The following RABGAP1L variants were observed in gnomAD, a reference collection of about 807,000 sequenced individuals.
RABGAP1L encodes the protein rab GTPase-activating protein 1-like.
RABGAP1L carries 63 observed loss-of-function variants against 137.7 expected under a neutral mutation model. That is an observed-to-expected ratio of 0.46 (90% CI 0.37 to 0.56). The LOEUF (loss-of-function observed/expected upper bound fraction) is 0.56. RABGAP1L is among the 20% of genes least tolerant of loss of function. The pLI is 0.00. For synonymous variants in RABGAP1L, 431 were observed against 433.7 expected, an observed-to-expected ratio of 0.99 and a Z score of 0.08; for missense variants, 1,095 against 1,244.0, an observed-to-expected ratio of 0.88 and a Z score of 1.80.
chr1:174,646,623 A>G (rs1674989535), intron 14 of RABGAP1L, among the ~76,000 whole-genome samples: 1 of 152,150 alleles, frequency 6.6e-6, no homozygotes, highest in South Asian at 2.1e-4. Flanking sequence ...GCCTTGTATT[A>G]TAGTTTGAAA....
intron 19 of RABGAP1L, among the ~76,000 whole-genome samples, chr1:174,857,004 G>T (rs746655652): frequency 1.3e-5 from 2 of 151,754 alleles, no homozygotes; most frequent in African/African-American, 4.8e-5. Flanking sequence ...AAATTTACAA[G>T]TGTAAAATAT....
Position 174,448,528 on chromosome 1 carries a change from T to C in RABGAP1L, c.1710+54383T>C, listed in dbSNP as rs1255990093. 1 of 1,612,292 alleles carries C rather than the reference T, an allele frequency of 6.2e-7. No homozygotes were observed. Among genetic ancestry groups the C allele is most frequent in the African/African-American group, 1.3e-5 (1 of 74,628 alleles). ...GTCTTGCTTGCATCAGTGTGGATCG[T>C]TATCTTGCAATAACCAAGCCTCTTT... is the stretch of plus-strand genomic sequence containing the variant. On this transcript the variant is annotated intron_variant, in intron 13 of 25. Transcript: ENST00000681986. This position sits in a 1 kb window ranked among gnomAD's most constrained non-coding sequence, Gnocchi z 4.2.
chr1:174,937,637 T>TATATATATATATATA (rs1302676014), intron 19 of RABGAP1L, among the ~76,000 whole-genome samples: 4 of 138,514 alleles, frequency 2.9e-5, no homozygotes, highest in Non-Finnish European at 4.6e-5. Context: ...TATATATATC[T>TATATATATATATATA]TGCAGTTAGA....
chr1:174,370,384 CTAT>C (rs757744517), intron 11 of RABGAP1L, among the ~76,000 whole-genome samples: 135 of 145,726 alleles, frequency 9.3e-4, no homozygotes, highest in Non-Finnish European at 9.4e-4. Flanking sequence ...GTTTCTTAAA[CTAT>C]TATTTTACAT....
intron 14 of RABGAP1L, among the ~76,000 whole-genome samples, chr1:174,670,740 G>T (rs1677116945): frequency 6.6e-6 from 1 of 152,046 alleles, no homozygotes; most frequent in Non-Finnish European, 1.5e-5. Flanking sequence ...ATTTTTTAAG[G>T]CTGAATAGTA....
intron 13 of RABGAP1L, among the ~76,000 whole-genome samples, chr1:174,624,166 G>A (rs72715265): frequency 6.6e-6 from 1 of 152,246 alleles, no homozygotes; most frequent in Non-Finnish European, 1.5e-5. Context: ...TTCCTGCTTT[G>A]GAGGGTTTGT....
At chr1:174,573,626 T>A (rs1668155358) in intron 13 of RABGAP1L, among the ~76,000 whole-genome samples, 1 of 152,170 alleles carries the variant, frequency 6.6e-6, no homozygotes, top group African/African-American at 2.4e-5. Context: ...TGGTATATTT[T>A]TGCCTTATAG....
At chr1:174,819,244 G>GA (rs201467566) in intron 19 of RABGAP1L, among the ~76,000 whole-genome samples, 2,104 of 147,124 alleles carry the variant, frequency 0.014, 155 homozygotes, top group Admixed American at 0.12. Context: ...GAGTAAGTAT[G>GA]GGAGAGAGAG....
chr1:174,415,046 G>A (rs934684585), intron 13 of RABGAP1L, among the ~76,000 whole-genome samples: 2 of 151,706 alleles, frequency 1.3e-5, no homozygotes, highest in African/African-American at 4.8e-5. Context: ...ACCATATTGG[G>A]GATATTATTG....
chr1:174,363,208 T>C (rs1340124760), intron 11 of RABGAP1L, among the ~76,000 whole-genome samples: 2 of 152,158 alleles, frequency 1.3e-5, no homozygotes, highest in South Asian at 4.1e-4. Flanking sequence ...TTTGAAGTAA[T>C]GTAGCATGAT....
At position 174,617,154 on chromosome 1, in the gene RABGAP1L, T is replaced by C. The variant is rs190024554; in HGVS notation, c.1711-20221T>C. 4.3e-4 allele frequency among the ~76,000 whole-genome samples: 66 copies of C among 152,312 alleles called. 1 individual carries two copies. The East Asian group carries it at 0.013, about 29-fold the overall frequency. On this transcript the variant is annotated intron_variant, in intron 13 of 25. Transcript: ENST00000681986. ...GGTAATCCTCATTTCTGAATTGATA[T>C]ATAGAGAAAAAATGTAGAAGAAAAA...
intron 13 of RABGAP1L, among the ~76,000 whole-genome samples, chr1:174,534,574 C>A (rs927808576): frequency 2.6e-5 from 4 of 151,596 alleles, no homozygotes; most frequent in African/African-American, 9.7e-5. Flanking sequence ...GTTAGGAGTT[C>A]GAGACTGGCC....
At chr1:174,359,366 G>A (rs1167255458) in intron 11 of RABGAP1L, among the ~76,000 whole-genome samples, 1 of 152,148 alleles carries the variant, frequency 6.6e-6, no homozygotes, top group African/African-American at 2.4e-5. Flanking sequence ...AGGCTGCCAA[G>A]TGTTTAAAAC....
chr1:174,818,552 T>TATGGGGAGAGGATGGAAA (rs1430661103), intron 19 of RABGAP1L, among the ~76,000 whole-genome samples: 1 of 152,050 alleles, frequency 6.6e-6, no homozygotes, highest in African/African-American at 2.4e-5. Context: ...AGAAGGTTAG[T>TATGGGGAGAGGATGGAAA]ATGGGGAGAG....
At chr1:174,886,012 ATTT>A (rs530537282) in intron 19 of RABGAP1L, among the ~76,000 whole-genome samples, 3 of 135,882 alleles carry the variant, frequency 2.2e-5, no homozygotes, top group Non-Finnish European at 4.7e-5. Flanking sequence ...AGAGAAACCA[ATTT>A]TTTTTTTTTT....
chr1:174,732,792 A>G (rs1682597738), intron 17 of RABGAP1L, among the ~76,000 whole-genome samples: 1 of 152,204 alleles, frequency 6.6e-6, no homozygotes, highest in Admixed American at 6.5e-5. Context: ...CTTATTATCA[A>G]TATCTGTTTA....
chr1:174,397,165 T>C (rs905948317), intron 13 of RABGAP1L, among the ~76,000 whole-genome samples: 8 of 152,022 alleles, frequency 5.3e-5, no homozygotes, highest in African/African-American at 1.9e-4. Flanking sequence ...AAAAACAGAA[T>C]GGCAAAAATC....
chr1:174,394,517 A>G (rs950473482), intron 13 of RABGAP1L, among the ~76,000 whole-genome samples: 3 of 152,220 alleles, frequency 2.0e-5, no homozygotes, highest in Non-Finnish European at 4.4e-5. Flanking sequence ...TAACATTAAA[A>G]TGAAATTAAA....
chr1:174,351,273 A>C (rs1246966821), intron 11 of RABGAP1L, among the ~76,000 whole-genome samples: 5 of 152,200 alleles, frequency 3.3e-5, no homozygotes, highest in African/African-American at 1.2e-4. Flanking sequence ...TGAGTTTTGT[A>C]TCCTCAGATA....
Sources: allele counts gnomAD v4.1 joint callset (sites outside exome capture counted in the v4.1 genomes callset), GRCh38; gene constraint gnomAD v4.1.1; non-coding constraint Gnocchi (gnomAD v3.1); transcripts MANE v1.5; gene names NCBI Gene and HGNC (gene_info 2026-07-23, HGNC 2026-07-21).